The following CNTNAP2 variants were observed in gnomAD, a reference collection of about 807,000 sequenced individuals.
CNTNAP2 encodes contactin associated protein 2, also known as contactin-associated protein-like 2.
Under a neutral mutation model 155.2 loss-of-function variants are expected in CNTNAP2, and 98 were observed. The ratio of observed to expected loss-of-function variants is 0.63; its 90% CI spans 0.54 to 0.75. The LOEUF (loss-of-function observed/expected upper bound fraction) is 0.75, where lower values mean the gene tolerates loss of function less well. Ranked by LOEUF, CNTNAP2 falls within the 30% of genes least tolerant of loss-of-function variation. The pLI, the probability that CNTNAP2 is intolerant of heterozygous loss-of-function variation, is 0.00. For synonymous variants in CNTNAP2, 651 were observed against 631.2 expected, an observed-to-expected ratio of 1.03 and a Z score of -0.47; for missense variants, 1,727 against 1,688.1, an observed-to-expected ratio of 1.02 and a Z score of -0.40.
intron 8 of CNTNAP2, among the ~76,000 whole-genome samples, chr7:147,258,785 C>T (rs1387856078): frequency 2.6e-5 from 4 of 152,152 alleles, no homozygotes; most frequent in Admixed American, 6.5e-5. Flanking sequence ...ATGAATTCCA[C>T]GTCTAGTGCT....
chr7:148,123,941 G>C (rs12533593), intron 16 of CNTNAP2, among the ~76,000 whole-genome samples: 1 of 152,240 alleles, frequency 6.6e-6, no homozygotes, highest in African/African-American at 2.4e-5. Context: ...TAGAGGTCAC[G>C]GTCAAAAAGT....
intron 3 of CNTNAP2, among the ~76,000 whole-genome samples, chr7:146,950,186 G>A (rs930498420): frequency 6.6e-6 from 1 of 152,120 alleles, no homozygotes; most frequent in Non-Finnish European, 1.5e-5. Flanking sequence ...TTATCTGAAA[G>A]TACATGTAGA....
chr7:147,786,085 G>A (rs987981038), intron 13 of CNTNAP2, among the ~76,000 whole-genome samples: 1 of 151,088 alleles, frequency 6.6e-6, no homozygotes, highest in Non-Finnish European at 1.5e-5. Flanking sequence ...AGGTCAAGAG[G>A]TCGAGACCAT....
chr7:146,993,164 G>A (rs1329036904), intron 3 of CNTNAP2, among the ~76,000 whole-genome samples: 1 of 152,204 alleles, frequency 6.6e-6, no homozygotes, highest in Admixed American at 6.5e-5. Flanking sequence ...AGAAGGCCAA[G>A]CGGGTGACTT....
intron 4 of CNTNAP2, among the ~76,000 whole-genome samples, chr7:147,047,811 G>A (rs1475162991): frequency 2.0e-5 from 3 of 152,126 alleles, no homozygotes; most frequent in African/African-American, 7.2e-5. Flanking sequence ...AGCAAATCAG[G>A]AAGCGAGACT....
intron 21 of CNTNAP2, among the ~76,000 whole-genome samples, chr7:148,273,402 G>A (rs1461864344): frequency 6.6e-6 from 1 of 152,222 alleles, no homozygotes; most frequent in Non-Finnish European, 1.5e-5. Context: ...GAATATCAAT[G>A]TACAGCGATC....
intron 21 of CNTNAP2, among the ~76,000 whole-genome samples, chr7:148,308,885 G>A (rs184604396): frequency 6.6e-6 from 1 of 152,162 alleles, no homozygotes; most frequent in African/African-American, 2.4e-5. Flanking sequence ...CTTCATCCAA[G>A]TCCCTGCAAA....
intron 3 of CNTNAP2, among the ~76,000 whole-genome samples, chr7:147,017,044 AAG>A (rs1554425466): frequency 6.6e-6 from 1 of 151,916 alleles, no homozygotes; most frequent in African/African-American, 2.4e-5. Flanking sequence ...AAAAAAAAAA[AAG>A]AAATCAATGT....
chr7:148,414,078 A>ATTT (rs780784669), intron 23 of CNTNAP2, among the ~76,000 whole-genome samples: 1 of 114,472 alleles, frequency 8.7e-6, no homozygotes. Context: ...TTCTTTTTCC[A>ATTT]TTTTTTTTTT....
intron 13 of CNTNAP2, among the ~76,000 whole-genome samples, chr7:147,857,123 T>G (rs537590693): frequency 3.9e-5 from 6 of 152,350 alleles, no homozygotes; most frequent in Admixed American, 6.5e-5. Flanking sequence ...TTTGGTATAT[T>G]TGTCAGAACT....
At chr7:146,222,847 G>A (rs886571273) in intron 1 of CNTNAP2, among the ~76,000 whole-genome samples, 2 of 151,686 alleles carry the variant, frequency 1.3e-5, no homozygotes, top group African/African-American at 2.4e-5. Flanking sequence ...TTTTAGTAGA[G>A]ACGGGGTTTT....
intron 1 of CNTNAP2, among the ~76,000 whole-genome samples, chr7:146,331,240 C>T (rs1045976037): frequency 6.7e-6 from 1 of 148,318 alleles, no homozygotes; most frequent in South Asian, 2.1e-4. Flanking sequence ...GGAAGCGGAG[C>T]TTGCAGTGAG....
intron 9 of CNTNAP2, among the ~76,000 whole-genome samples, chr7:147,326,758 T>C (rs1193058843): frequency 6.6e-6 from 1 of 152,210 alleles, no homozygotes; most frequent in African/African-American, 2.4e-5. Flanking sequence ...GTGAAATGGT[T>C]TTCTTTCACA....
intron 1 of CNTNAP2, among the ~76,000 whole-genome samples, chr7:146,400,901 A>G (rs564787669): frequency 5.9e-5 from 9 of 152,322 alleles, no homozygotes; most frequent in African/African-American, 2.2e-4. Context: ...CCTTTACAGA[A>G]GATGACGTGC....
chr7:147,194,726 G>A (rs748268265), intron 8 of CNTNAP2, among the ~76,000 whole-genome samples: 2 of 152,152 alleles, frequency 1.3e-5, no homozygotes, highest in Non-Finnish European at 2.9e-5. Flanking sequence ...ATGTGTTTGA[G>A]AAGTGTCTGT....
chr7:146,686,664 C>G (rs558674705), intron 1 of CNTNAP2, among the ~76,000 whole-genome samples: 1 of 152,128 alleles, frequency 6.6e-6, no homozygotes. Context: ...CACAGTATTA[C>G]TTCCTTGTTG....
chr7:148,282,669 T>G (rs763152757), intron 21 of CNTNAP2, among the ~76,000 whole-genome samples: 2 of 152,138 alleles, frequency 1.3e-5, no homozygotes, highest in Non-Finnish European at 2.9e-5. Flanking sequence ...TGAAAAAAAC[T>G]TTTGATTGAA....
chr7:148,079,835 T>C (rs75006971), intron 15 of CNTNAP2, among the ~76,000 whole-genome samples: 10,690 of 152,174 alleles, frequency 0.07, 461 homozygotes, highest in South Asian at 0.2. Flanking sequence ...GAGGAGGGTA[T>C]AATGAGGCAT....
intron 12 of CNTNAP2, among the ~76,000 whole-genome samples, chr7:147,595,754 C>T (rs1478281840): frequency 2.0e-5 from 3 of 152,166 alleles, no homozygotes; most frequent in African/African-American, 4.8e-5. Flanking sequence ...TGTCCTGAGA[C>T]CCTCCTCAGA....
Sources: gnomAD v4.1 joint callset for allele counts (sites outside exome capture counted in the v4.1 genomes callset) on GRCh38, gnomAD v4.1.1 for gene constraint, MANE v1.5 for transcripts, NCBI Gene and HGNC (gene_info 2026-07-23, HGNC 2026-07-21) for gene names.